EGFR: variants seen among roughly 807,000 people sequenced by gnomAD.
The protein encoded by EGFR is avian erythroblastic leukemia viral (v-erb-b) oncogene homolog.
A neutral mutation model predicts 143.0 loss-of-function variants in EGFR; 58 were observed. The observed-to-expected ratio is 0.41, with a 90% CI of 0.33 to 0.50. The LOEUF is 0.50. Among genes scored for constraint, EGFR ranks in the 20% least tolerant of loss-of-function variants. The pLI, the probability that EGFR is intolerant of heterozygous loss-of-function variation, is 0.39. For missense variants in EGFR, 1,307 were observed against 1,579.0 expected, an observed-to-expected ratio of 0.83 and a Z score of 2.92; for synonymous variants, 613 against 594.4, an observed-to-expected ratio of 1.03 and a Z score of -0.45.
chr7:55,150,243 A>T (rs997227456), intron 4 of EGFR, among the ~76,000 whole-genome samples: 1 of 152,258 alleles, frequency 6.6e-6, no homozygotes, highest in African/African-American at 2.4e-5. Flanking sequence ...TGCACGCTAC[A>T]GATCTAGCTG....
chr7:55,082,066 G>C (rs1186354117), intron 1 of EGFR, among the ~76,000 whole-genome samples: 2 of 152,192 alleles, frequency 1.3e-5, no homozygotes, highest in African/African-American at 4.8e-5. Flanking sequence ...TGCAGGCTGG[G>C]TGGTGTCCCA....
intron 1 of EGFR, among the ~76,000 whole-genome samples, chr7:55,090,812 A>G (rs1449414883): frequency 6.6e-6 from 1 of 152,240 alleles, no homozygotes; most frequent in Non-Finnish European, 1.5e-5. Context: ...GAATGAGGCT[A>G]GTAAAAAGTG....
intron 20 of EGFR, among the ~76,000 whole-genome samples, chr7:55,186,158 C>T (rs1482672063): frequency 6.6e-6 from 1 of 152,182 alleles, no homozygotes; most frequent in Non-Finnish European, 1.5e-5. Context: ...GTGCTGTGTG[C>T]GTGTCATAGC....
At chr7:55,146,557 AT>A in intron 3 of EGFR, 48 bp from the exon 4 acceptor site, 1 of 1,612,572 alleles carries the variant, frequency 6.2e-7, no homozygotes, top group Non-Finnish European at 8.5e-7. Flanking sequence ...CTTCATGGGA[AT>A]TTAAAGGAGC....
chr7:55,114,688 G>A (rs1184391313), intron 1 of EGFR, among the ~76,000 whole-genome samples: 1 of 151,658 alleles, frequency 6.6e-6, no homozygotes, highest in African/African-American at 2.4e-5. Context: ...AGATGACTGG[G>A]GAATCCATTC....
intron 1 of EGFR, among the ~76,000 whole-genome samples, chr7:55,075,866 T>C (rs138527741): frequency 6.4e-4 from 97 of 152,320 alleles, no homozygotes; most frequent in Non-Finnish European, 1.2e-3. Context: ...AAAAAGAGCA[T>C]TAAATTAGAT....
intron 1 of EGFR, among the ~76,000 whole-genome samples, chr7:55,131,728 G>A (rs946836931): frequency 2.6e-5 from 4 of 152,216 alleles, no homozygotes; most frequent in East Asian, 1.9e-4. Context: ...TTTGACCCTC[G>A]GGGGAAAAGT....
intron 1 of EGFR, among the ~76,000 whole-genome samples, chr7:55,083,106 A>T (rs1455597151): frequency 6.6e-6 from 1 of 152,182 alleles, no homozygotes; most frequent in African/African-American, 2.4e-5. Flanking sequence ...ACTCCATTAC[A>T]TCTTCAAAAA....
intron 2 of EGFR, 108 bp from the exon 3 acceptor site, chr7:55,143,197 T>A (rs2128926972): frequency 9.1e-7 from 1 of 1,101,174 alleles, no homozygotes; most frequent in Non-Finnish European, 1.4e-6. Context: ...AGCACTCGTG[T>A]GCATTAGGGT....
intron 20 of EGFR, among the ~76,000 whole-genome samples, chr7:55,190,029 G>C (rs797021386): frequency 2.6e-5 from 4 of 152,184 alleles, no homozygotes; most frequent in African/African-American, 9.7e-5. Flanking sequence ...GGCAGACAGC[G>C]GGGGCAGGGA....
intron 1 of EGFR, among the ~76,000 whole-genome samples, chr7:55,127,532 C>G (rs1402709582): frequency 4.0e-5 from 6 of 149,810 alleles, no homozygotes; most frequent in African/African-American, 1.5e-4. Context: ...GTTAATTGCA[C>G]TTTCAAAGGA....
rs113742976 is a variant in EGFR, at chr7:55,121,096, A to T, written c.89-21190A>T. On this transcript the variant is annotated intron_variant, in intron 1 of 27. Coordinates refer to ENST00000275493, the MANE Select transcript of EGFR (RefSeq NM_005228.5). ...TAAATCCAAGTCTTACAACACAGGG[A>T]AGTGTGTCATACTGTGCAGGGATGA... Among the ~76,000 whole-genome samples the T allele has an allele frequency of 7.7e-4, 118 of 152,304 alleles. 1 individual carries two copies. The highest frequency in any genetic ancestry group is 2.7e-3 in the African/African-American group (113 of 41,564).
At chr7:55,038,458 G>A (rs1474326658) in intron 1 of EGFR, among the ~76,000 whole-genome samples, 1 of 152,138 alleles carries the variant, frequency 6.6e-6, no homozygotes. Flanking sequence ...CCCACCAGAG[G>A]CTCGCTTGTT....
intron 5 of EGFR, 70 bp downstream of exon 5, chr7:55,151,432 G>A (rs899819151): frequency 4.6e-6 from 7 of 1,534,334 alleles, no homozygotes; most frequent in Admixed American, 1.7e-5. Flanking sequence ...TAGGTGATTG[G>A]ATTTGTTTTC....
intron 1 of EGFR, among the ~76,000 whole-genome samples, chr7:55,086,093 T>C (rs972123511): frequency 6.6e-6 from 1 of 152,182 alleles, no homozygotes. Flanking sequence ...TCCCGTGCCG[T>C]GCAATTTTTG....
intron 1 of EGFR, among the ~76,000 whole-genome samples, chr7:55,072,672 TA>T (rs1395050361): frequency 2.0e-5 from 3 of 152,234 alleles, no homozygotes; most frequent in African/African-American, 7.2e-5. Flanking sequence ...ATCATTTTAT[TA>T]CTGCTTGTCG....
At chr7:55,063,289 T>C (rs957563190) in intron 1 of EGFR, among the ~76,000 whole-genome samples, 2 of 152,200 alleles carry the variant, frequency 1.3e-5, no homozygotes, top group African/African-American at 4.8e-5. Flanking sequence ...ATTTCCTCCT[T>C]GATCTCGTTT....
intron 1 of EGFR, among the ~76,000 whole-genome samples, chr7:55,096,818 C>T (rs1791500722): frequency 1.3e-5 from 2 of 152,162 alleles, no homozygotes; most frequent in South Asian, 4.1e-4. Flanking sequence ...TGTGCCCTTG[C>T]TGGAGCCAGG....
chr7:55,083,452 G>A (rs917026547), intron 1 of EGFR, among the ~76,000 whole-genome samples: 5 of 152,192 alleles, frequency 3.3e-5, no homozygotes, highest in African/African-American at 9.6e-5. Flanking sequence ...GACGCCTGAC[G>A]TCAGTGGTCT....
Sources: allele counts gnomAD v4.1 joint callset (sites outside exome capture counted in the v4.1 genomes callset), GRCh38; gene constraint gnomAD v4.1.1; transcripts MANE v1.5; gene names NCBI Gene and HGNC (gene_info 2026-07-23, HGNC 2026-07-21).